Variants in MSRA observed in about 807,000 individuals in gnomAD.
MSRA encodes mitochondrial peptide methionine sulfoxide reductase.
Under a neutral mutation model 31.3 loss-of-function variants are expected in MSRA, and 54 were observed. That is an observed-to-expected ratio of 1.73 (90% CI 1.39 to 2.17). MSRA has a LOEUF of 2.17. Ranked by LOEUF, MSRA falls within the 30% of genes most tolerant of loss-of-function variation. The pLI, the probability that MSRA is intolerant of heterozygous loss-of-function variation, is 0.00. For missense variants in MSRA, 507 were observed against 300.9 expected (o/e 1.69, Z -5.07); for synonymous variants, 169 against 116.5 (o/e 1.45, Z -2.90).
chr8:10,190,819 C>G (rs529642409), intron 1 of MSRA, among the ~76,000 whole-genome samples: 39 of 152,262 alleles, frequency 2.6e-4, no homozygotes, highest in South Asian at 2.5e-3. Flanking sequence ...ATGTGTTCAA[C>G]TGGTATTTTT....
intron 3 of MSRA, among the ~76,000 whole-genome samples, chr8:10,270,917 G>C (rs903953690): frequency 6.6e-6 from 1 of 152,174 alleles, no homozygotes; most frequent in Non-Finnish European, 1.5e-5. Context: ...CCCACAGCTT[G>C]GCTTTGCCAC....
chr8:10,263,000 C>T (rs1798560331), intron 3 of MSRA, among the ~76,000 whole-genome samples: 1 of 152,202 alleles, frequency 6.6e-6, no homozygotes, highest in Admixed American at 6.5e-5. Flanking sequence ...GTTCTGTTAC[C>T]TGACTGTGGC....
chr8:10,413,658 T>G (rs1188513703), intron 5 of MSRA, among the ~76,000 whole-genome samples: 1 of 39,814 alleles, frequency 2.5e-5, no homozygotes, highest in African/African-American at 8.8e-5. Context: ...AGGAGAGAGA[T>G]ATTAAAAAAA....
At chr8:10,396,322 G>C (rs551213186) in intron 5 of MSRA, among the ~76,000 whole-genome samples, 1 of 152,138 alleles carries the variant, frequency 6.6e-6, no homozygotes, top group Non-Finnish European at 1.5e-5. Flanking sequence ...TACACACTGA[G>C]TGGGAAGAGC....
At chr8:10,093,444 T>C (rs1322983009) in intron 1 of MSRA, among the ~76,000 whole-genome samples, 2 of 152,192 alleles carry the variant, frequency 1.3e-5, no homozygotes, top group Non-Finnish European at 1.5e-5. Context: ...ACAAAAACTT[T>C]GCTCCTATAT....
intron 5 of MSRA, among the ~76,000 whole-genome samples, chr8:10,409,310 C>G (rs1401986751): frequency 6.6e-6 from 1 of 152,166 alleles, no homozygotes; most frequent in Non-Finnish European, 1.5e-5. Flanking sequence ...TTGCATTTCT[C>G]CGATGACTAG....
chr8:10,137,815 T>G (rs1460446506), intron 1 of MSRA, among the ~76,000 whole-genome samples: 1 of 152,202 alleles, frequency 6.6e-6, no homozygotes, highest in Non-Finnish European at 1.5e-5. Flanking sequence ...AATACGTTAA[T>G]TATATAGCTA....
chr8:10,394,564 A>T (rs1806976187), intron 5 of MSRA, among the ~76,000 whole-genome samples: 1 of 152,214 alleles, frequency 6.6e-6, no homozygotes. Flanking sequence ...TGTCAGATTG[A>T]CAGAATTCTC....
At chr8:10,349,768 G>T (rs1202353623) in intron 5 of MSRA, among the ~76,000 whole-genome samples, 1 of 152,228 alleles carries the variant, frequency 6.6e-6, no homozygotes. Flanking sequence ...TAAGAAAACG[G>T]CCATCTCCCC....
intron 4 of MSRA, among the ~76,000 whole-genome samples, chr8:10,319,116 T>A (rs1801895105): frequency 6.6e-6 from 1 of 152,190 alleles, no homozygotes; most frequent in African/African-American, 2.4e-5. Context: ...TTAACACCTC[T>A]AATTCTTGCT....
At chr8:10,143,871 G>A (rs755045893) in intron 1 of MSRA, among the ~76,000 whole-genome samples, 4 of 152,136 alleles carry the variant, frequency 2.6e-5, no homozygotes, top group Admixed American at 1.3e-4. Context: ...TGGAGCAGCC[G>A]ACTTTTTCTT....
chr8:10,340,066 A>C (rs911998456), intron 5 of MSRA, among the ~76,000 whole-genome samples: 9 of 152,084 alleles, frequency 5.9e-5, no homozygotes, highest in African/African-American at 1.9e-4. Context: ...GTGGTATGAG[A>C]ATATGAGTAG....
intron 1 of MSRA, among the ~76,000 whole-genome samples, chr8:10,075,692 G>A (rs768706781): frequency 3.9e-5 from 6 of 152,194 alleles, no homozygotes; most frequent in Non-Finnish European, 8.8e-5. Flanking sequence ...ATGATTTTAC[G>A]ATATAACAAG....
intron 5 of MSRA, among the ~76,000 whole-genome samples, chr8:10,332,366 T>C (rs1802752111): frequency 6.6e-6 from 1 of 152,220 alleles, no homozygotes; most frequent in Non-Finnish European, 1.5e-5. Flanking sequence ...ATCTGTGCTT[T>C]TGTTTAAAGC....
At chr8:10,113,252 C>T (rs1800417664) in intron 1 of MSRA, among the ~76,000 whole-genome samples, 3 of 121,452 alleles carry the variant, frequency 2.5e-5, no homozygotes, top group Admixed American at 1.0e-4. Context: ...TGGAGCCCTA[C>T]CTGGGCTGGG....
intron 5 of MSRA, among the ~76,000 whole-genome samples, chr8:10,343,669 T>TG (rs1245129077): frequency 6.6e-6 from 1 of 151,444 alleles, no homozygotes; most frequent in Non-Finnish European, 1.5e-5. Context: ...TAAAGGGTGC[T>TG]GGGGGGTCCC....
chr8:10,234,516 A>G (rs1342806478), intron 2 of MSRA, among the ~76,000 whole-genome samples: 1 of 152,100 alleles, frequency 6.6e-6, no homozygotes, highest in African/African-American at 2.4e-5. Flanking sequence ...AAAGACTAAT[A>G]GGAGAGAGAA....
intron 5 of MSRA, among the ~76,000 whole-genome samples, chr8:10,338,565 T>C (rs1803208862): frequency 6.6e-6 from 1 of 152,226 alleles, no homozygotes; most frequent in African/African-American, 2.4e-5. Flanking sequence ...TTATTCTACA[T>C]TGTATGCATA....
intron 1 of MSRA, among the ~76,000 whole-genome samples, chr8:10,158,118 TTA>T (rs1804318848): frequency 6.6e-6 from 1 of 152,164 alleles, no homozygotes; most frequent in African/African-American, 2.4e-5. Context: ...AGGGCCTCTT[TTA>T]TAAGGGCACT....
Sources: allele counts gnomAD v4.1 joint callset (sites outside exome capture counted in the v4.1 genomes callset), GRCh38; gene constraint gnomAD v4.1.1; transcripts MANE v1.5; gene names NCBI Gene and HGNC (gene_info 2026-07-23, HGNC 2026-07-21).